SRPK1: variants seen among roughly 807,000 people sequenced by gnomAD.
SRPK1 encodes the protein SFRS protein kinase 1.
Under a neutral mutation model 89.5 loss-of-function variants are expected in SRPK1, and 52 were observed. The ratio of observed to expected loss-of-function variants is 0.58; its 90% CI spans 0.46 to 0.73. SRPK1 has a LOEUF of 0.73. Ranked by LOEUF, SRPK1 falls within the 30% of genes least tolerant of loss-of-function variation. The probability of loss-of-function intolerance (pLI) is 0.00; values close to 1 mark genes in which losing one functional copy is unlikely to be tolerated. For synonymous variants in SRPK1, 255 were observed against 270.2 expected (o/e 0.94, Z 0.55); for missense variants, 603 against 780.6 (o/e 0.77, Z 2.71).
Position 35,833,353 on chromosome 6 carries a change from ACAT to A in SRPK1, c.*1948_*1950del, listed in dbSNP as rs1769103015. 6.6e-6 allele frequency: 1 copy of A among 152,382 alleles called. No homozygotes were observed. The highest frequency in any genetic ancestry group is 2.4e-5 in the African/African-American group (1 of 41,448). 9.4% of individuals were successfully genotyped at this position (152,382 alleles called of 1,614,324 possible). Reference sequence around the variant, plus strand: ...ACAGGTTCTATTAAAACTTACTGTCACATCAACTGTTAAAATAGGGCCTTTTGT... The same window carrying A: ...ACAGGTTCTATTAAAACTTACTGTCACAACTGTTAAAATAGGGCCTTTTGT... On this transcript the variant is annotated 3_prime_UTR_variant, in exon 16 of 16. Transcript: ENST00000373825.
chr6:35,920,079 A>G (rs187645379), intron 2 of SRPK1: 33 of 463,182 alleles, frequency 7.1e-5, no homozygotes, highest in Middle Eastern at 6.4e-4. Flanking sequence ...AAGACGTCGG[A>G]GGCAAGTTAA....
At chr6:35,912,665 G>GT (rs1770995067) in intron 2 of SRPK1, among the ~76,000 whole-genome samples, 1 of 152,132 alleles carries the variant, frequency 6.6e-6, no homozygotes, top group Admixed American at 6.5e-5. Flanking sequence ...CCCCAAACTA[G>GT]TAACAGTGAT....
chr6:35,833,636 A>G lies in SRPK1; in HGVS notation c.*1668T>C, dbSNP rs1462402102. On this transcript the variant is annotated 3_prime_UTR_variant, in exon 16 of 16. Transcript: ENST00000373825. ...AACATGTCTGATTTCAGGAGTACCC[A>G]ATGAAGGATCCGATGAATGGCTGGC... 6.6e-6 allele frequency: 1 copy of G among 152,638 alleles called. No homozygotes were observed. The highest frequency in any genetic ancestry group is 2.4e-5 in the African/African-American group (1 of 41,450). The allele number at this position is 152,638 out of a possible 1,614,324, so 9.5% of individuals were successfully genotyped here. A position where few individuals can be genotyped will look rare whatever the true frequency, so the allele number is the denominator to read the frequency against.
intron 2 of SRPK1, among the ~76,000 whole-genome samples, chr6:35,894,019 G>GA (rs574944302): frequency 7.6e-4 from 113 of 149,540 alleles, no homozygotes; most frequent in African/African-American, 2.4e-3. Context: ...TCAAATAAAA[G>GA]AAAAAAAAAG....
intron 12 of SRPK1, among the ~76,000 whole-genome samples, chr6:35,860,752 G>GA (rs1161652940): frequency 2.6e-5 from 4 of 151,402 alleles, no homozygotes; most frequent in Admixed American, 2.0e-4. Flanking sequence ...GTGTTGTGGA[G>GA]AAAAAAAAAG....
In SRPK1 at chr6:35,920,035, A is replaced by C. The variant is rs1049600360; in HGVS notation, c.74+433T>G. 8.8e-5 allele frequency: 40 copies of C among 456,370 alleles called. No individual in the cohort carries two copies. In the Admixed American group the frequency reaches 9.2e-4, roughly 10 times the overall value. The allele number at this position is 456,370 out of a possible 1,614,324, so 28.3% of individuals were successfully genotyped here. A position where few individuals can be genotyped will look rare whatever the true frequency, so the allele number is the denominator to read the frequency against. Reference sequence around the variant, plus strand: ...GTAGAACCCAAAGTAAACACGGAAAAATTCATTCAAGAATTTCCTTAAGGC... The same window carrying C: ...GTAGAACCCAAAGTAAACACGGAAACATTCATTCAAGAATTTCCTTAAGGC... On this transcript the variant is annotated intron_variant, in intron 2 of 15. Coordinates refer to ENST00000373825, the MANE Select transcript of SRPK1 (RefSeq NM_003137.5).
chr6:35,886,090 T>C (rs1485389346), intron 6 of SRPK1, among the ~76,000 whole-genome samples: 1 of 151,374 alleles, frequency 6.6e-6, no homozygotes, highest in Admixed American at 6.6e-5. Context: ...ATCTTTTTTT[T>C]TTTTTTTTAG....
chr6:35,872,203 T>C (rs1023640036), intron 8 of SRPK1, among the ~76,000 whole-genome samples: 1 of 152,256 alleles, frequency 6.6e-6, no homozygotes, highest in Non-Finnish European at 1.5e-5. Flanking sequence ...TACTCCAGTG[T>C]TTAAACCTAA....
At chr6:35,879,196 G>A (rs1359673788) in intron 6 of SRPK1, among the ~76,000 whole-genome samples, 2 of 152,088 alleles carry the variant, frequency 1.3e-5, no homozygotes, top group Admixed American at 6.6e-5. Flanking sequence ...AAGACCTTTC[G>A]TTTACATCTC....
intron 2 of SRPK1, among the ~76,000 whole-genome samples, chr6:35,908,352 G>T (rs1476917317): frequency 6.6e-6 from 1 of 152,198 alleles, no homozygotes; most frequent in Non-Finnish European, 1.5e-5. Context: ...GAACAATGAA[G>T]TCCAGGCTGA....
At chr6:35,898,633 G>A (rs1032034841) in intron 2 of SRPK1, among the ~76,000 whole-genome samples, 4 of 152,162 alleles carry the variant, frequency 2.6e-5, no homozygotes, top group Non-Finnish European at 5.9e-5. Context: ...TTGGGAGGCT[G>A]AGGCAAAAGA....
chr6:35,838,881 T>A (rs771777085), intron 14 of SRPK1: 10 of 1,275,494 alleles, frequency 7.8e-6, no homozygotes, highest in Non-Finnish European at 1.0e-5. Context: ...AAGGACTAGC[T>A]GTTTAAAAGT....
chr6:35,915,090 C>T (rs1771058604), intron 2 of SRPK1, among the ~76,000 whole-genome samples: 1 of 152,154 alleles, frequency 6.6e-6, no homozygotes, highest in Admixed American at 6.5e-5. Flanking sequence ...GCCACTGTGC[C>T]CGGCCAAACC....
intron 14 of SRPK1, among the ~76,000 whole-genome samples, chr6:35,841,509 C>A (rs941311295): frequency 1.3e-5 from 2 of 152,144 alleles, no homozygotes; most frequent in African/African-American, 2.4e-5. Flanking sequence ...ATTAATCCTA[C>A]AACTAAAACA....
intron 2 of SRPK1, among the ~76,000 whole-genome samples, chr6:35,910,389 G>A (rs1451351088): frequency 6.6e-6 from 1 of 152,156 alleles, no homozygotes; most frequent in Non-Finnish European, 1.5e-5. Context: ...CAAGGCCCTG[G>A]ATTTTATGAA....
At chr6:35,917,705 C>T (rs866112896) in intron 2 of SRPK1, among the ~76,000 whole-genome samples, 10 of 152,174 alleles carry the variant, frequency 6.6e-5, no homozygotes, top group South Asian at 2.1e-4. Context: ...GACTGAAAAT[C>T]CCTTCTGCCT....
Position 35,879,195 on chromosome 6 carries a change from C to T in SRPK1, c.479-4856G>A, listed in dbSNP as rs188876172. Among the ~76,000 whole-genome samples, 32 of 152,194 alleles carry T rather than the reference C, an allele frequency of 2.1e-4. 2 individuals are homozygous for T. Among genetic ancestry groups the T allele is most frequent in the Admixed American group, 1.9e-3 (29 of 15,272 alleles). On this transcript the variant is annotated intron_variant, in intron 6 of 15. Coordinates refer to ENST00000373825, the MANE Select transcript of SRPK1 (RefSeq NM_003137.5). ...AGATGCAGACTGAGCAAAGACCTTTCGTTTACATCTCAGGCTGATCCTTGG... is the reference window on the plus strand; with the variant it reads ...AGATGCAGACTGAGCAAAGACCTTTTGTTTACATCTCAGGCTGATCCTTGG...
At chr6:35,880,680 A>ACTGCAC (rs1770254375) in intron 6 of SRPK1, among the ~76,000 whole-genome samples, 1 of 140,350 alleles carries the variant, frequency 7.1e-6, no homozygotes, top group Admixed American at 7.5e-5. Context: ...AGATTGCACC[A>ACTGCAC]CTGCACTCCA....
chr6:35,890,900 C>T lies in SRPK1; in HGVS notation c.188G>A (p.Cys63Tyr), dbSNP rs1205447415. 2.6e-6 allele frequency: 4 copies of T among 1,548,960 alleles called. No homozygotes were observed. In the Admixed American group the frequency reaches 6.0e-5, roughly 23 times the overall value. The change falls in exon 3 of 16, where the codon TGT becomes TAT. Residue 63 changes from cysteine (C) to tyrosine (Y), a missense_variant. Cys to Tyr is a radical substitution (Grantham distance 194). Coordinates refer to ENST00000373825, the MANE Select transcript of SRPK1 (RefSeq NM_003137.5). ...DDEQEDPNDY[C>Y]KGGYHLVKIG... ...ATACCTCTTTATGAACTTACCTTTA[C>T]AATAATCATTAGGATCTTCTTGCTC...
Sources: gnomAD v4.1 joint callset for allele counts (sites outside exome capture counted in the v4.1 genomes callset) on GRCh38, gnomAD v4.1.1 for gene constraint, MANE v1.5 for transcripts, NCBI Gene and HGNC (gene_info 2026-07-23, HGNC 2026-07-21) for gene names.